FOXN3: variants seen among roughly 807,000 people sequenced by gnomAD.
FOXN3 encodes forkhead box protein N3.
Under a neutral mutation model 38.4 loss-of-function variants are expected in FOXN3, and 7 were observed. The observed-to-expected ratio is 0.18, with a 90% CI of 0.10 to 0.34. The LOEUF (loss-of-function observed/expected upper bound fraction) is 0.34. FOXN3 is among the 10% of genes least tolerant of loss of function. The pLI, the probability that FOXN3 is intolerant of heterozygous loss-of-function variation, is 1.00. For synonymous variants in FOXN3, 230 were observed against 242.2 expected, an observed-to-expected ratio of 0.95 and a Z score of 0.47; for missense variants, 456 against 613.4, an observed-to-expected ratio of 0.74 and a Z score of 2.71.
rs1259477688 is a variant in FOXN3, at chr14:89,158,037, G to A, written c.*4377C>T. On this transcript the variant is annotated 3_prime_UTR_variant, in exon 6 of 6. Transcript: ENST00000557258. ...AACGAGTCCCAACCTGGATTAAAGG[G>A]AAAGAGAAATCACATGGAATTTAAT... is the stretch of plus-strand genomic sequence containing the variant. The A allele has an allele frequency of 6.6e-6, 1 of 152,456 alleles. No individual in the cohort carries two copies. The allele number at this position is 152,456 out of a possible 1,614,324, so 9.4% of individuals were successfully genotyped here.
chr14:89,325,353 C>CACT (rs1566956930), intron 3 of FOXN3, among the ~76,000 whole-genome samples: 4 of 131,396 alleles, frequency 3.0e-5, no homozygotes, highest in East Asian at 2.2e-4. Flanking sequence ...CCACCACCAC[C>CACT]ACCACCACTA....
intron 1 of FOXN3, among the ~76,000 whole-genome samples, chr14:89,599,843 C>A (rs1348406662): frequency 6.6e-6 from 1 of 152,210 alleles, no homozygotes; most frequent in Non-Finnish European, 1.5e-5. Flanking sequence ...GGGCTTCTGC[C>A]TTTTCACAGG....
At chr14:89,405,403 T>C (rs1279574290) in intron 2 of FOXN3, among the ~76,000 whole-genome samples, 2 of 152,086 alleles carry the variant, frequency 1.3e-5, no homozygotes, top group Non-Finnish European at 2.9e-5. Context: ...TCCTAAAGTG[T>C]GGGATTACAG....
chr14:89,428,961 C>T (rs980709329), intron 1 of FOXN3, among the ~76,000 whole-genome samples: 1 of 152,196 alleles, frequency 6.6e-6, no homozygotes, highest in African/African-American at 2.4e-5. Context: ...ACATCCGTTC[C>T]AAAGAAATCC....
chr14:89,386,226 T>A (rs1010061753), intron 2 of FOXN3, among the ~76,000 whole-genome samples: 1 of 152,226 alleles, frequency 6.6e-6, no homozygotes, highest in African/African-American at 2.4e-5. Context: ...AAATTATTTT[T>A]TAATTGCTTC....
intron 1 of FOXN3, among the ~76,000 whole-genome samples, chr14:89,456,057 G>A (rs1400906090): frequency 6.6e-6 from 1 of 152,080 alleles, no homozygotes; most frequent in East Asian, 1.9e-4. Flanking sequence ...AGCCAGGCAT[G>A]GTGGCGGATG....
At chr14:89,255,728 A>T (rs1176412558) in intron 4 of FOXN3, among the ~76,000 whole-genome samples, 2 of 152,186 alleles carry the variant, frequency 1.3e-5, no homozygotes, top group African/African-American at 4.8e-5. Context: ...CACGCAGGAC[A>T]TTCTAAGCGG....
At chr14:89,440,195 C>G (rs985537253) in intron 1 of FOXN3, among the ~76,000 whole-genome samples, 1 of 152,152 alleles carries the variant, frequency 6.6e-6, no homozygotes, top group South Asian at 2.1e-4. Context: ...TGCTTCTTGG[C>G]CTGCCTACCC....
chr14:89,167,639 G>A (rs1398428557), intron 5 of FOXN3, among the ~76,000 whole-genome samples: 1 of 152,168 alleles, frequency 6.6e-6, no homozygotes, highest in Non-Finnish European at 1.5e-5. Flanking sequence ...CATTTGGAAG[G>A]TTCTCTTCTG....
chr14:89,597,063 T>A (rs1896070533), intron 1 of FOXN3, among the ~76,000 whole-genome samples: 1 of 152,196 alleles, frequency 6.6e-6, no homozygotes, highest in South Asian at 2.1e-4. Flanking sequence ...TAGGTTATTT[T>A]TAAACCTCTC....
intron 1 of FOXN3, among the ~76,000 whole-genome samples, chr14:89,526,263 C>G (rs1038365017): frequency 1.7e-4 from 26 of 152,010 alleles, no homozygotes; most frequent in African/African-American, 5.3e-4. Flanking sequence ...GAGGTTCTAA[C>G]CATGCCATCA....
intron 4 of FOXN3, among the ~76,000 whole-genome samples, chr14:89,261,863 G>GTGAT (rs1445732086): frequency 1.1e-4 from 17 of 152,232 alleles, no homozygotes. Flanking sequence ...AGGAGGTGGA[G>GTGAT]CTTGCAGTGA....
intron 4 of FOXN3, among the ~76,000 whole-genome samples, chr14:89,191,006 T>C (rs972388770): frequency 6.6e-6 from 1 of 152,018 alleles, no homozygotes; most frequent in African/African-American, 2.4e-5. Flanking sequence ...ACTTAAAATA[T>C]AAAGAAAAAA....
At chr14:89,561,721 G>A (rs1895252505) in intron 1 of FOXN3, among the ~76,000 whole-genome samples, 2 of 152,036 alleles carry the variant, frequency 1.3e-5, no homozygotes, top group African/African-American at 2.4e-5. Flanking sequence ...TTCCAGGGGG[G>A]TTATGTTAAT....
Position 89,264,050 on chromosome 14 carries a change from C to A in FOXN3, c.745+16900G>T, listed in dbSNP as rs993117280. The A allele has an allele frequency of 2.7e-5, 4 of 149,064 alleles. No homozygotes were observed. The Admixed American group carries it at 2.7e-4, about 10-fold the overall frequency. 9.2% of individuals were successfully genotyped at this position (149,064 alleles called of 1,614,324 possible). A position where few individuals can be genotyped will look rare whatever the true frequency, so the allele number is the denominator to read the frequency against. ...TCCAGCCTGGGCAACAAGAGTAAGACTCCATCTCAAAAAAAAAGAAAGAAA... is the reference window on the plus strand; with the variant it reads ...TCCAGCCTGGGCAACAAGAGTAAGAATCCATCTCAAAAAAAAAGAAAGAAA... On this transcript the variant is annotated intron_variant, in intron 4 of 5. Coordinates refer to ENST00000557258, the MANE Select transcript of FOXN3 (RefSeq NM_005197.4).
intron 1 of FOXN3, among the ~76,000 whole-genome samples, chr14:89,427,472 ATTTTTTT>A (rs1195606471): frequency 8.0e-6 from 1 of 124,876 alleles, no homozygotes; most frequent in African/African-American, 3.0e-5. Context: ...CGCCCGGCTG[ATTTTTTT>A]TTTTTTTTTT....
chr14:89,327,566 A>G (rs1003594055), intron 3 of FOXN3, among the ~76,000 whole-genome samples: 2 of 152,156 alleles, frequency 1.3e-5, no homozygotes, highest in African/African-American at 2.4e-5. Flanking sequence ...AGCCCTATGA[A>G]AGTTGATGAG....
chr14:89,469,815 AAC>A (rs1019637450), intron 1 of FOXN3, among the ~76,000 whole-genome samples: 63 of 152,374 alleles, frequency 4.1e-4, no homozygotes, highest in African/African-American at 1.4e-3. Context: ...AAAGGCACCT[AAC>A]ACGCAGGATC....
chr14:89,423,133 T>C (rs1891951171), intron 1 of FOXN3, among the ~76,000 whole-genome samples: 2 of 150,466 alleles, frequency 1.3e-5, no homozygotes, highest in African/African-American at 4.9e-5. Flanking sequence ...CAGGGAGGAG[T>C]AGGTCTATGA....
Sources: allele counts gnomAD v4.1 joint callset (sites outside exome capture counted in the v4.1 genomes callset), GRCh38; gene constraint gnomAD v4.1.1; transcripts MANE v1.5; gene names NCBI Gene and HGNC (gene_info 2026-07-23, HGNC 2026-07-21).